ANXA3: variants seen among roughly 807,000 people sequenced by gnomAD.
ANXA3 encodes annexin A3, also known as 35-alpha calcimedin.
ANXA3 carries 46 observed loss-of-function variants against 48.8 expected under a neutral mutation model. The observed-to-expected ratio is 0.94, with a 90% CI of 0.74 to 1.21. ANXA3 has a LOEUF of 1.21. ANXA3 is among the 50% of genes most tolerant of loss of function. The pLI is 0.00. For missense variants in ANXA3, 383 were observed against 378.6 expected (o/e 1.01, Z -0.10); for synonymous variants, 128 against 134.7 (o/e 0.95, Z 0.35).
intron 12 of ANXA3, among the ~76,000 whole-genome samples, chr4:78,608,095 G>A (rs1307272514): frequency 6.6e-6 from 1 of 152,046 alleles, no homozygotes; most frequent in Non-Finnish European, 1.5e-5. Context: ...TGCATATTAT[G>A]TGCTAGGCTC....
chr4:78,608,686 C>T (rs773606976), intron 12 of ANXA3, among the ~76,000 whole-genome samples: 4 of 152,020 alleles, frequency 2.6e-5, no homozygotes, highest in Non-Finnish European at 4.4e-5. Flanking sequence ...CAGACAGTGG[C>T]GCCATTCCTT....
intron 2 of ANXA3, among the ~76,000 whole-genome samples, chr4:78,567,318 G>C (rs948414571): frequency 2.6e-5 from 4 of 152,176 alleles, no homozygotes; most frequent in African/African-American, 9.7e-5. Context: ...GGTGTGGTCA[G>C]GGCCGTCCTC....
chr4:78,608,703 G>A (rs1314605482), intron 12 of ANXA3, among the ~76,000 whole-genome samples: 1 of 152,148 alleles, frequency 6.6e-6, no homozygotes, highest in Non-Finnish European at 1.5e-5. Flanking sequence ...CCTTGCAAGA[G>A]GATCAGGTTT....
intron 2 of ANXA3, among the ~76,000 whole-genome samples, chr4:78,572,407 A>C (rs1301703264): frequency 6.6e-6 from 1 of 152,190 alleles, no homozygotes; most frequent in Non-Finnish European, 1.5e-5. Context: ...GTAAAGAAAA[A>C]GTTTAATTGA....
intron 2 of ANXA3, among the ~76,000 whole-genome samples, chr4:78,565,411 G>A (rs1417606216): frequency 6.6e-6 from 1 of 152,228 alleles, no homozygotes; most frequent in African/African-American, 2.4e-5. Context: ...TTGGACAAGA[G>A]CAGGAGCAAA....
intron 5 of ANXA3, 132 bp from the exon 6 acceptor site, chr4:78,586,128 G>C: frequency 2.0e-6 from 1 of 490,790 alleles, no homozygotes; most frequent in Non-Finnish European, 3.5e-6. Flanking sequence ...TAGAAAACGA[G>C]AGCAATAGAG....
chr4:78,555,576 C>T (rs1439808000), intron 2 of ANXA3, among the ~76,000 whole-genome samples: 1 of 151,880 alleles, frequency 6.6e-6, no homozygotes, highest in Non-Finnish European at 1.5e-5. Context: ...CAGTGGCTCA[C>T]ACCTATAATC....
chr4:78,595,972 G>A (rs1196189995), intron 9 of ANXA3, 85 bp downstream of exon 9: 4 of 934,822 alleles, frequency 4.3e-6, no homozygotes, highest in African/African-American at 1.7e-5. Context: ...CTAGAAAAAC[G>A]AAGTTTAAAA....
chr4:78,597,738 A>G (rs1723450897), intron 10 of ANXA3, among the ~76,000 whole-genome samples: 1 of 151,898 alleles, frequency 6.6e-6, no homozygotes, highest in South Asian at 2.1e-4. Flanking sequence ...TCAGCCTCCC[A>G]AGTAGCTGAG....
Position 78,580,946 on chromosome 4 carries a change from T to C in ANXA3, c.199-1231T>C, listed in dbSNP as rs76011519. 3.3e-5 allele frequency among the ~76,000 whole-genome samples: 5 copies of C among 152,224 alleles called. No homozygotes were observed. The East Asian group carries it at 9.6e-4, about 29-fold the overall frequency. On this transcript the variant is annotated intron_variant, in intron 4 of 12. Coordinates refer to ENST00000264908, the MANE Select transcript of ANXA3 (RefSeq NM_005139.3). ...TGAATGATCTATTGGCCTTTTGGTA[T>C]TTCCAAAATATGGAAGAAAGATGGA...
chr4:78,560,777 A>G (rs1460069761), intron 2 of ANXA3, among the ~76,000 whole-genome samples: 1 of 152,188 alleles, frequency 6.6e-6, no homozygotes, highest in Non-Finnish European at 1.5e-5. Context: ...CCCCAATTGC[A>G]TCACAAAGTC....
At chr4:78,556,766 T>TA (rs1172782525) in intron 2 of ANXA3, among the ~76,000 whole-genome samples, 15 of 148,576 alleles carry the variant, frequency 1.0e-4, no homozygotes, top group African/African-American at 2.5e-4. Flanking sequence ...ATGCTGGTGT[T>TA]AAAAAAAAAA....
intron 9 of ANXA3, chr4:78,596,976 C>A: frequency 5.0e-6 from 1 of 200,666 alleles, no homozygotes. Flanking sequence ...TATCATTTCC[C>A]AGGTGCTGCT....
At chr4:78,577,558 T>G (rs1268849774) in intron 3 of ANXA3, among the ~76,000 whole-genome samples, 1 of 152,224 alleles carries the variant, frequency 6.6e-6, no homozygotes, top group African/African-American at 2.4e-5. Flanking sequence ...TATTTAACTA[T>G]GTGTAAGAAT....
intron 11 of ANXA3, 150 bp from the exon 12 acceptor site, chr4:78,604,127 A>C (rs1397425155): frequency 9.8e-6 from 7 of 710,892 alleles, no homozygotes; most frequent in Non-Finnish European, 1.5e-5. Flanking sequence ...ATATTTCTTG[A>C]ATAATGAATG....
At chr4:78,556,955 T>C (rs1485000470) in intron 2 of ANXA3, among the ~76,000 whole-genome samples, 1 of 152,192 alleles carries the variant, frequency 6.6e-6, no homozygotes, top group Non-Finnish European at 1.5e-5. Context: ...AATTTAGCAA[T>C]TTAAAACAAC....
At chr4:78,579,524 C>T (rs921426444) in intron 4 of ANXA3, among the ~76,000 whole-genome samples, 4 of 152,188 alleles carry the variant, frequency 2.6e-5, no homozygotes, top group African/African-American at 9.7e-5. Context: ...GCAAGGCAGC[C>T]CTCCACAACA....
chr4:78,583,397 C>A (rs1723113087), intron 5 of ANXA3, among the ~76,000 whole-genome samples: 3 of 151,838 alleles, frequency 2.0e-5, no homozygotes, highest in African/African-American at 7.3e-5. Context: ...GGGAGGATTG[C>A]TTGGGCTCAG....
intron 6 of ANXA3, among the ~76,000 whole-genome samples, chr4:78,587,816 G>A (rs953085488): frequency 1.3e-5 from 2 of 152,156 alleles, no homozygotes; most frequent in Admixed American, 6.5e-5. Context: ...TTAAAGGGCC[G>A]GGTGCGGTGA....
Sources: gnomAD v4.1 joint callset for allele counts (sites outside exome capture counted in the v4.1 genomes callset) on GRCh38, gnomAD v4.1.1 for gene constraint, MANE v1.5 for transcripts, NCBI Gene and HGNC (gene_info 2026-07-23, HGNC 2026-07-21) for gene names.